The following RGS12 variants were observed in gnomAD, a reference collection of about 807,000 sequenced individuals.
RGS12 encodes the protein regulator of G protein signaling 12.
In RGS12, 66 loss-of-function variants were observed where a neutral mutation model predicts 120.1. The observed-to-expected ratio is 0.55, with a 90% CI of 0.45 to 0.67. RGS12 has a LOEUF of 0.67. Ranked by LOEUF, RGS12 falls within the 30% of genes least tolerant of loss-of-function variation. The pLI, the probability that RGS12 is intolerant of heterozygous loss-of-function variation, is 0.00. For synonymous variants in RGS12, 827 were observed against 804.7 expected, an observed-to-expected ratio of 1.03 and a Z score of -0.47; for missense variants, 1,859 against 1,957.7, an observed-to-expected ratio of 0.95 and a Z score of 0.95.
At chr4:3,392,762 G>A (rs1211862826) in intron 4 of RGS12, among the ~76,000 whole-genome samples, 1 of 152,206 alleles carries the variant, frequency 6.6e-6, no homozygotes, top group East Asian at 1.9e-4. Context: ...GCTGAGGTGG[G>A]CGGATCAGCT....
At chr4:3,386,739 C>T (rs1488242480) in intron 4 of RGS12, among the ~76,000 whole-genome samples, 2 of 152,196 alleles carry the variant, frequency 1.3e-5, no homozygotes, top group East Asian at 1.9e-4. Flanking sequence ...CAAGTTAAAA[C>T]GTGTTTTTGC....
intron 1 of RGS12, among the ~76,000 whole-genome samples, chr4:3,309,412 CCG>C (rs1724184189): frequency 1.4e-5 from 2 of 138,016 alleles, no homozygotes; most frequent in East Asian, 2.2e-4. Flanking sequence ...TGGCAGGTGT[CCG>C]CTGAGGGGAA....
chr4:3,438,476 CACTGCCCCT>C (rs1343088625), intron 17 of RGS12, among the ~76,000 whole-genome samples: 1 of 151,906 alleles, frequency 6.6e-6, no homozygotes, highest in African/African-American at 2.4e-5. Flanking sequence ...ACGGGGGCTT[CACTGCCCCT>C]TCCCAGGCCC....
chr4:3,379,420 C>G (rs764429970), intron 3 of RGS12, among the ~76,000 whole-genome samples: 1 of 152,168 alleles, frequency 6.6e-6, no homozygotes, highest in Non-Finnish European at 1.5e-5. Flanking sequence ...GGTGGAGGTA[C>G]ATGTTAATTC....
chr4:3,428,472 A>T, intron 15 of RGS12, 86 bp from the exon 16 acceptor site: 1 of 1,182,218 alleles, frequency 8.5e-7, no homozygotes. Flanking sequence ...AATCTATTTC[A>T]TAGAGCCTTC....
chr4:3,292,360 C>T (rs565878419), upstream of RGS12, among the ~76,000 whole-genome samples: 1 of 152,296 alleles, frequency 6.6e-6, no homozygotes, highest in Non-Finnish European at 1.5e-5. Context: ...GGCAGACCCG[C>T]TGGACGCCGC....
chr4:3,370,804 TG>T (rs1451058637), intron 3 of RGS12, among the ~76,000 whole-genome samples: 1 of 152,262 alleles, frequency 6.6e-6, no homozygotes, highest in Non-Finnish European at 1.5e-5. Flanking sequence ...TAGATCATAT[TG>T]GTGATTACTA....
intron 17 of RGS12, chr4:3,432,130 T>C: frequency 3.0e-6 from 3 of 985,486 alleles, no homozygotes; most frequent in African/African-American, 1.7e-5. Context: ...CACCTGCGTT[T>C]TGAGTCTGTT....
Position 3,374,990 on chromosome 4 carries a change from C to A in RGS12, c.1999-11426C>A, listed in dbSNP as rs1184571861. ...AGATGCTTTGCCAAGTGAGTGGGAG[C>A]GTTCTCAGCTTGCGTTTGCCATGCA... On this transcript the variant is annotated intron_variant, in intron 3 of 17. Transcript: ENST00000336727. The surrounding 1 kb of genome is among the most constrained non-coding windows in gnomAD (Gnocchi z 6.3). 1.3e-5 allele frequency among the ~76,000 whole-genome samples: 2 copies of A among 152,142 alleles called. No homozygotes were observed. Among genetic ancestry groups the A allele is most frequent in the Admixed American group, 6.5e-5 (1 of 15,280 alleles).
At chr4:3,295,849 AACAT>A (rs1723352832) in intron 1 of RGS12, among the ~76,000 whole-genome samples, 1 of 152,196 alleles carries the variant, frequency 6.6e-6, no homozygotes, top group African/African-American at 2.4e-5. Flanking sequence ...AATTCCTAGA[AACAT>A]TTCCCTTCCC....
At position 3,343,027 on chromosome 4, in the gene RGS12, A is replaced by G. The variant is rs1354199401; in HGVS notation, c.1972A>G (p.Ile658Val). ...ATTTGGGAGATCCAAGAGATTCAGTATCACTCGCTCCCTTGATGATCTTGA... is the reference window on the plus strand; with the variant it reads ...ATTTGGGAGATCCAAGAGATTCAGTGTCACTCGCTCCCTTGATGATCTTGA... ...RSFGRSKRFS[I>V]TRSLDDLESA... is the part of the protein sequence containing the mutation. Residue 658 changes from isoleucine to valine, a missense_variant, in exon 3 of 18, where the codon ATC (isoleucine) becomes GTC (valine). Ile to Val is a conservative substitution (Grantham distance 29). Around this residue, in one of 3 missense-constraint regions of RGS12, gnomAD observed 967 missense variants for 994.2 expected, o/e 0.97. Coordinates refer to ENST00000336727, the MANE Select transcript of RGS12 (RefSeq NM_001394154.1). The G allele has an allele frequency of 6.2e-7, 1 of 1,611,586 alleles. No individual in the cohort carries two copies. Among genetic ancestry groups the G allele is most frequent in the Non-Finnish European group, 8.5e-7 (1 of 1,177,994 alleles).
At position 3,388,714 on chromosome 4, in the gene RGS12, C is replaced by T. The variant is rs535218550; in HGVS notation, c.2020+2277C>T. 3.9e-5 allele frequency among the ~76,000 whole-genome samples: 6 copies of T among 152,370 alleles called. No individual in the cohort carries two copies. The East Asian group carries it at 1.2e-3, about 29-fold the overall frequency. ...CTCAGGCAGAAAGAGGCCCCCTCCC[C>T]CACACCCTGCCCTCCACGGCAGTGA... On this transcript the variant is annotated intron_variant, in intron 4 of 17. Coordinates refer to ENST00000336727, the MANE Select transcript of RGS12 (RefSeq NM_001394154.1).
intron 1 of RGS12, among the ~76,000 whole-genome samples, chr4:3,304,198 C>T (rs888982879): frequency 1.3e-5 from 2 of 152,234 alleles, no homozygotes; most frequent in African/African-American, 2.4e-5. Context: ...CCACGAAAAA[C>T]TATGCATGAT....
At position 3,390,127 on chromosome 4, in the gene RGS12, C is replaced by T. The variant is rs927414383; in HGVS notation, c.2020+3690C>T. 1.3e-4 allele frequency among the ~76,000 whole-genome samples: 20 copies of T among 152,236 alleles called. No homozygotes were observed. Among genetic ancestry groups the T allele is most frequent in the African/African-American group, 4.8e-4 (20 of 41,448 alleles). Reference sequence around the variant, plus strand: ...GGACCCCTCCACCAGCTCAGAGCCCCTGTTCCCCCAACCATCCTGCGTCCC... The same window carrying T: ...GGACCCCTCCACCAGCTCAGAGCCCTTGTTCCCCCAACCATCCTGCGTCCC... On this transcript the variant is annotated intron_variant, in intron 4 of 17. Transcript: ENST00000336727. The surrounding 1 kb of genome is among the most constrained non-coding windows in gnomAD (Gnocchi z 4.6).
At chr4:3,294,235 G>A (rs1723237732) in intron 1 of RGS12, among the ~76,000 whole-genome samples, 1 of 152,256 alleles carries the variant, frequency 6.6e-6, no homozygotes, top group African/African-American at 2.4e-5. Flanking sequence ...CAGGATGGCC[G>A]GCAAGGCCTG....
intron 4 of RGS12, among the ~76,000 whole-genome samples, chr4:3,404,377 C>T (rs776578591): frequency 6.6e-6 from 1 of 152,176 alleles, no homozygotes; most frequent in Non-Finnish European, 1.5e-5. Flanking sequence ...CTGGCTGTTT[C>T]GAAAGGGAAA....
chr4:3,361,289 A>G (rs1473587696), intron 3 of RGS12, among the ~76,000 whole-genome samples: 1 of 152,182 alleles, frequency 6.6e-6, no homozygotes. Flanking sequence ...TCTGCTTTTC[A>G]TTGTGAACGG....
At position 3,317,041 on chromosome 4, in the gene RGS12, G is replaced by C; in HGVS notation, c.871G>C (p.Val291Leu). The change falls in exon 2 of 18, where the codon GTG becomes CTG. Residue 291 changes from valine (V) to leucine (L), a missense_variant. Val to Leu is a conservative substitution (Grantham distance 32, BLOSUM62 1). Transcript: ENST00000336727. ...GCTGAGCACTGACAAGGCTGGAGTC[G>C]TGGCCGAGTACCCGGCCGAGAAGCT... Reference protein sequence around the residue: ...VQLSTDKAGVVAEYPAEKLAF... With the variant: ...VQLSTDKAGVLAEYPAEKLAF... 1 of 1,613,682 alleles carries C rather than the reference G, an allele frequency of 6.2e-7. No individual in the cohort carries two copies. Among genetic ancestry groups the C allele is most frequent in the Non-Finnish European group, 8.5e-7 (1 of 1,180,044 alleles).
At chr4:3,411,148 G>A (rs1388820248) in intron 4 of RGS12, among the ~76,000 whole-genome samples, 1 of 152,182 alleles carries the variant, frequency 6.6e-6, no homozygotes, top group East Asian at 1.9e-4. Context: ...ATTGGGATTT[G>A]TTTCAGTGTG....
Sources: allele counts gnomAD v4.1 joint callset (sites outside exome capture counted in the v4.1 genomes callset), GRCh38; gene constraint gnomAD v4.1.1; regional missense constraint gnomAD v4.1.1; non-coding constraint Gnocchi (gnomAD v3.1); transcripts MANE v1.5; gene names NCBI Gene and HGNC (gene_info 2026-07-23, HGNC 2026-07-21).